SIPA1L1: variants seen among roughly 807,000 people sequenced by gnomAD.
The protein encoded by SIPA1L1 is signal induced proliferation associated 1 like 1.
SIPA1L1 carries 26 observed loss-of-function variants against 162.7 expected under a neutral mutation model. That is an observed-to-expected ratio of 0.16 (90% CI 0.12 to 0.22). The LOEUF is 0.22. SIPA1L1 is among the 10% of genes least tolerant of loss of function. The pLI, the probability that SIPA1L1 is intolerant of heterozygous loss-of-function variation, is 1.00. For synonymous variants in SIPA1L1, 829 were observed against 837.4 expected (o/e 0.99, Z 0.17); for missense variants, 1,874 against 2,241.0 (o/e 0.84, Z 3.31).
intron 2 of SIPA1L1, among the ~76,000 whole-genome samples, chr14:71,461,596 A>G (rs369798961): frequency 1.4e-4 from 21 of 152,074 alleles, no homozygotes; most frequent in East Asian, 1.2e-3. Flanking sequence ...TTTGTCACCA[A>G]TTTTCCAATC....
chr14:71,348,711 C>G (rs988304523), intron 2 of SIPA1L1, among the ~76,000 whole-genome samples: 2 of 152,144 alleles, frequency 1.3e-5, no homozygotes, highest in African/African-American at 4.8e-5. Context: ...AGGCTAAACC[C>G]ACTGTTTAAT....
chr14:71,604,125 G>A (rs2037195254), intron 5 of SIPA1L1, among the ~76,000 whole-genome samples: 2 of 150,508 alleles, frequency 1.3e-5, no homozygotes, highest in African/African-American at 4.9e-5. Context: ...AGCCCCCTGA[G>A]TAGCTGGGAC....
chr14:71,462,457 G>C (rs1473281040), intron 2 of SIPA1L1, among the ~76,000 whole-genome samples: 1 of 152,154 alleles, frequency 6.6e-6, no homozygotes, highest in Non-Finnish European at 1.5e-5. Flanking sequence ...TGATAAATGG[G>C]CCAGAGTAAC....
chr14:71,709,752 T>A, intron 17 of SIPA1L1, 88 bp downstream of exon 17: 1 of 1,117,668 alleles, frequency 8.9e-7, no homozygotes, highest in Non-Finnish European at 1.3e-6. Context: ...CTCAATAGTG[T>A]ATAAGGAAAG....
intron 2 of SIPA1L1, among the ~76,000 whole-genome samples, chr14:71,459,635 T>C (rs2046442991): frequency 6.6e-6 from 1 of 152,160 alleles, no homozygotes; most frequent in Admixed American, 6.5e-5. Flanking sequence ...GAAAGAGATG[T>C]AGGCTGGGAG....
chr14:71,397,829 A>C (rs905654217), intron 2 of SIPA1L1, among the ~76,000 whole-genome samples: 1 of 152,150 alleles, frequency 6.6e-6, no homozygotes, highest in African/African-American at 2.4e-5. Flanking sequence ...CATAAAAGCC[A>C]CTATTTCATC....
At chr14:71,582,829 G>A (rs2034122256) in intron 4 of SIPA1L1, among the ~76,000 whole-genome samples, 1 of 152,148 alleles carries the variant, frequency 6.6e-6, no homozygotes, top group South Asian at 2.1e-4. Context: ...AAAGGAGGTA[G>A]AAATTCCATT....
chr14:71,704,162 T>G (rs2082283074), intron 15 of SIPA1L1, among the ~76,000 whole-genome samples: 1 of 152,052 alleles, frequency 6.6e-6, no homozygotes, highest in African/African-American at 2.4e-5. Context: ...TCCAGAAAAA[T>G]AACCAAGCCT....
At chr14:71,447,774 G>T (rs150892797) in intron 2 of SIPA1L1, among the ~76,000 whole-genome samples, 1 of 151,840 alleles carries the variant, frequency 6.6e-6, no homozygotes, top group Admixed American at 6.6e-5. Flanking sequence ...TTACCATGTT[G>T]CTCAGGCTGG....
At chr14:71,670,743 G>A (rs945491934) in intron 10 of SIPA1L1, among the ~76,000 whole-genome samples, 8 of 152,062 alleles carry the variant, frequency 5.3e-5, no homozygotes, top group African/African-American at 1.7e-4. Context: ...AAGATGATGT[G>A]GTTACAGTAA....
chr14:71,422,875 T>C (rs1165916213), intron 2 of SIPA1L1, among the ~76,000 whole-genome samples: 1 of 152,246 alleles, frequency 6.6e-6, no homozygotes, highest in Admixed American at 6.5e-5. Context: ...CTGGTAGTTC[T>C]ATTAAAAAAT....
chr14:71,426,370 T>G (rs1362838594), intron 2 of SIPA1L1, among the ~76,000 whole-genome samples: 2 of 150,738 alleles, frequency 1.3e-5, no homozygotes, highest in African/African-American at 4.9e-5. Context: ...TTGTTTTTAG[T>G]GAAACCTTTA....
intron 13 of SIPA1L1, among the ~76,000 whole-genome samples, chr14:71,691,826 C>T (rs1356301804): frequency 2.0e-5 from 3 of 152,198 alleles, no homozygotes; most frequent in Non-Finnish European, 2.9e-5. Flanking sequence ...ACACTCTCCT[C>T]CCATTTCTAC....
intron 11 of SIPA1L1, 121 bp downstream of exon 11, chr14:71,671,813 T>C (rs1444796290): frequency 4.2e-6 from 3 of 706,992 alleles, no homozygotes; most frequent in Non-Finnish European, 6.9e-6. Context: ...ACTCCCTTGA[T>C]GTGTGAAGCA....
chr14:71,340,384 A>G (rs1449645527), intron 2 of SIPA1L1, among the ~76,000 whole-genome samples: 1 of 151,922 alleles, frequency 6.6e-6, no homozygotes, highest in Non-Finnish European at 1.5e-5. Flanking sequence ...TAATGACCAT[A>G]AATATCTTTT....
chr14:71,508,249 A>G (rs754828277), intron 2 of SIPA1L1, among the ~76,000 whole-genome samples: 4 of 152,250 alleles, frequency 2.6e-5, no homozygotes, highest in South Asian at 2.1e-4. Context: ...CAAGGAAAAT[A>G]TGCTCATGGA....
chr14:71,452,054 A>G (rs918584489), intron 2 of SIPA1L1, among the ~76,000 whole-genome samples: 2 of 152,244 alleles, frequency 1.3e-5, no homozygotes, highest in Non-Finnish European at 1.5e-5. Flanking sequence ...ACGTGCATAT[A>G]GAAAAGCAGA....
intron 2 of SIPA1L1, among the ~76,000 whole-genome samples, chr14:71,498,507 T>A (rs1209447824): frequency 6.6e-6 from 1 of 152,216 alleles, no homozygotes; most frequent in Non-Finnish European, 1.5e-5. Context: ...CTAAGGAAAG[T>A]ACATAAACTC....
Position 71,589,195 on chromosome 14 carries a change from A to G in SIPA1L1, c.1323A>G (p.Gly441=). 1 of 1,614,100 alleles carries G rather than the reference A, an allele frequency of 6.2e-7. No individual in the cohort carries two copies. The highest frequency in any genetic ancestry group is 1.6e-4 in the Middle Eastern group (1 of 6,062). The change falls in exon 5 of 24, where the codon GGA becomes GGG. Residue 441 remains glycine, a synonymous_variant. Coordinates refer to ENST00000381232, the MANE Select transcript of SIPA1L1 (RefSeq NM_001386936.1). The part of the protein sequence containing the change: ...LSKSNSGSFS[G]CESASFESTL... ...AATCAAATTCTGGCTCCTTTAGTGG[A>G]TGTGAAAGTGCCTCCTTTGAGTCTA...
Sources: allele counts gnomAD v4.1 joint callset (sites outside exome capture counted in the v4.1 genomes callset), GRCh38; gene constraint gnomAD v4.1.1; transcripts MANE v1.5; gene names NCBI Gene and HGNC (gene_info 2026-07-23, HGNC 2026-07-21).